Variants in MACROD2 observed in about 807,000 individuals in gnomAD.
The protein encoded by MACROD2 is ADP-ribose glycohydrolase MACROD2.
Under a neutral mutation model 70.4 loss-of-function variants are expected in MACROD2, and 36 were observed. The ratio of observed to expected loss-of-function variants is 0.51; its 90% confidence interval spans 0.39 to 0.68. The LOEUF is 0.68. MACROD2 is among the 30% of genes least tolerant of loss of function. MACROD2 has a pLI of 0.00. For missense variants in MACROD2, 496 were observed against 538.4 expected, an observed-to-expected ratio of 0.92 and a Z score of 0.78; for synonymous variants, 172 against 178.8, an observed-to-expected ratio of 0.96 and a Z score of 0.30.
chr20:15,234,331 C>CTA (rs527471916), intron 6 of MACROD2, among the ~76,000 whole-genome samples: 37 of 150,326 alleles, frequency 2.5e-4, no homozygotes, highest in African/African-American at 7.3e-4. Context: ...CGCGCCCGGC[C>CTA]TATATATATA....
chr20:15,407,260 GC>G (rs1281731878), intron 6 of MACROD2, among the ~76,000 whole-genome samples: 2 of 152,138 alleles, frequency 1.3e-5, no homozygotes, highest in Non-Finnish European at 2.9e-5. Context: ...GAGTTAGCCA[GC>G]TAGGGATGGG....
In MACROD2 at chr20:15,270,197, G is replaced by A. The variant is rs114482603; in HGVS notation, c.540+40136G>A. Among the ~76,000 whole-genome samples, 578 of 143,034 alleles carry A rather than the reference G, an allele frequency of 4.0e-3. 1 individual carries two copies. The highest frequency in any genetic ancestry group is 0.014 in the African/African-American group (529 of 38,246). 93.8% of individuals were successfully genotyped at this position (143,034 alleles called of 152,430 possible). On this transcript the variant is annotated intron_variant, in intron 6 of 17. Transcript: ENST00000684519. Reference sequence around the variant, plus strand: ...TGGCTGTACACAAGTGTTTTCGGTCGCTTTATTTATAATTGCCCCAAGCTA... The same window carrying A: ...TGGCTGTACACAAGTGTTTTCGGTCACTTTATTTATAATTGCCCCAAGCTA...
At chr20:15,023,948 C>T (rs1035810639) in intron 5 of MACROD2, among the ~76,000 whole-genome samples, 3 of 152,086 alleles carry the variant, frequency 2.0e-5, no homozygotes, top group Admixed American at 6.6e-5. Context: ...GTACTACCAC[C>T]TTGGAAGCCT....
intron 5 of MACROD2, among the ~76,000 whole-genome samples, chr20:14,754,341 G>C (rs2071912980): frequency 6.6e-6 from 1 of 152,092 alleles, no homozygotes; most frequent in Non-Finnish European, 1.5e-5. Flanking sequence ...TCTTGGAAGG[G>C]AAGCCAAAGT....
At chr20:14,691,234 A>T (rs2071060271) in intron 5 of MACROD2, among the ~76,000 whole-genome samples, 1 of 152,150 alleles carries the variant, frequency 6.6e-6, no homozygotes, top group South Asian at 2.1e-4. Context: ...CCTTTTTATA[A>T]AGTAAGAAAG....
intron 8 of MACROD2, among the ~76,000 whole-genome samples, chr20:15,768,375 A>G (rs1490539005): frequency 6.6e-6 from 1 of 152,216 alleles, no homozygotes; most frequent in Non-Finnish European, 1.5e-5. Flanking sequence ...GTGCAATGAT[A>G]TTTGTGTGTC....
At chr20:14,050,522 G>T (rs1027623730) in intron 2 of MACROD2, among the ~76,000 whole-genome samples, 1 of 151,704 alleles carries the variant, frequency 6.6e-6, no homozygotes, top group Non-Finnish European at 1.5e-5. Context: ...AGATCTATAG[G>T]AGAAACCCAG....
intron 5 of MACROD2, among the ~76,000 whole-genome samples, chr20:15,206,982 C>T (rs944512520): frequency 1.6e-4 from 24 of 150,848 alleles, no homozygotes; most frequent in African/African-American, 4.9e-4. Context: ...ATGATCCACC[C>T]GCCTCGGCCT....
chr20:15,954,751 A>T (rs2065952979), intron 12 of MACROD2, among the ~76,000 whole-genome samples: 1 of 152,250 alleles, frequency 6.6e-6, no homozygotes. Flanking sequence ...TATGAGATAT[A>T]CAAGCATGTG....
chr20:14,746,471 T>G (rs1350536109), intron 5 of MACROD2, among the ~76,000 whole-genome samples: 1 of 152,104 alleles, frequency 6.6e-6, no homozygotes, highest in Non-Finnish European at 1.5e-5. Context: ...GGTTAAAAAA[T>G]TTACGTTTTG....
intron 2 of MACROD2, among the ~76,000 whole-genome samples, chr20:14,017,349 C>CAATA (rs1399852766): frequency 1.3e-5 from 2 of 152,028 alleles, no homozygotes; most frequent in African/African-American, 4.8e-5. Context: ...CTAAAACTTC[C>CAATA]AATATTATGT....
At chr20:15,364,312 C>T (rs1254342946) in intron 6 of MACROD2, among the ~76,000 whole-genome samples, 1 of 152,186 alleles carries the variant, frequency 6.6e-6, no homozygotes, top group Non-Finnish European at 1.5e-5. Flanking sequence ...TGTGTATTGG[C>T]CATCTGTCCA....
chr20:14,047,028 A>G (rs2053487812), intron 2 of MACROD2, among the ~76,000 whole-genome samples: 1 of 152,180 alleles, frequency 6.6e-6, no homozygotes, highest in Non-Finnish European at 1.5e-5. Context: ...ATACCCTTAC[A>G]AATATAGAGT....
intron 7 of MACROD2, among the ~76,000 whole-genome samples, chr20:15,470,937 C>T (rs1037749649): frequency 6.6e-6 from 1 of 152,114 alleles, no homozygotes; most frequent in African/African-American, 2.4e-5. Context: ...ATGCTCTGTT[C>T]CCTGGCATGC....
rs990848913 is a variant in MACROD2 at position 14,706,954 on chromosome 20, A to G, written c.418+21995A>G. Among the ~76,000 whole-genome samples, 6 of 152,296 alleles carry G rather than the reference A, an allele frequency of 3.9e-5. No homozygotes were observed. In the South Asian group the frequency reaches 8.3e-4, roughly 21 times the overall value. On this transcript the variant is annotated intron_variant, in intron 5 of 17. Transcript: ENST00000684519. ...GGAGTCCATAAAATAGGATGCAGAA[A>G]GCTAGGAGCTCAAATTTAGATCCAA...
chr20:14,419,602 T>C (rs1419618129), intron 3 of MACROD2, among the ~76,000 whole-genome samples: 2 of 152,108 alleles, frequency 1.3e-5, no homozygotes, highest in African/African-American at 2.4e-5. Flanking sequence ...CCTACCTTTA[T>C]TGTAAAATAT....
chr20:14,408,874 T>C (rs764140091), intron 3 of MACROD2, among the ~76,000 whole-genome samples: 1 of 152,158 alleles, frequency 6.6e-6, no homozygotes, highest in Non-Finnish European at 1.5e-5. Flanking sequence ...CAATGAACTA[T>C]TTTTAGGGCT....
At chr20:14,286,162 A>G (rs1389903489) in intron 3 of MACROD2, among the ~76,000 whole-genome samples, 5 of 152,154 alleles carry the variant, frequency 3.3e-5, no homozygotes, top group Non-Finnish European at 7.4e-5. Flanking sequence ...GAATTTAAAA[A>G]TTACTATCAA....
At chr20:15,290,042 A>G (rs1245337742) in intron 6 of MACROD2, among the ~76,000 whole-genome samples, 1 of 152,254 alleles carries the variant, frequency 6.6e-6, no homozygotes, top group Non-Finnish European at 1.5e-5. Flanking sequence ...TTACTCATAC[A>G]TAACATGACA....
Sources: gnomAD v4.1 joint callset for allele counts (sites outside exome capture counted in the v4.1 genomes callset) on GRCh38, gnomAD v4.1.1 for gene constraint, MANE v1.5 for transcripts, NCBI Gene and HGNC (gene_info 2026-07-23, HGNC 2026-07-21) for gene names.